The following NCR3 variants were observed in gnomAD, a reference collection of about 807,000 sequenced individuals.
The protein encoded by NCR3 is natural cytotoxicity triggering receptor 3.
Under a neutral mutation model 16.1 loss-of-function variants are expected in NCR3, and 13 were observed. That is an observed-to-expected ratio of 0.81 (90% CI 0.53 to 1.28). The LOEUF is 1.28. Ranked by LOEUF, NCR3 falls within the 50% of genes most tolerant of loss-of-function variation. The pLI is 0.00. For synonymous variants in NCR3, 98 were observed against 106.6 expected, an observed-to-expected ratio of 0.92 and a Z score of 0.50; for missense variants, 202 against 256.8, an observed-to-expected ratio of 0.79 and a Z score of 1.46.
chr6:31,591,997 C>T (rs1250055158), intron 1 of NCR3, among the ~76,000 whole-genome samples: 1 of 151,880 alleles, frequency 6.6e-6, no homozygotes, highest in Non-Finnish European at 1.5e-5. Flanking sequence ...GGCCTGTAAT[C>T]CCCGCACTTT....
chr6:31,589,531 C>G lies in NCR3; in HGVS notation c.491G>C (p.Gly164Ala). 6.2e-7 allele frequency: 1 copy of G among 1,614,052 alleles called. No individual in the cohort carries two copies. The highest frequency in any genetic ancestry group is 2.2e-5 in the East Asian group (1 of 44,878). Reference sequence around the variant, plus strand: ...CCCCTGGCTCCATTACTCACATTTGCCCTGGTAATAGACGGTGCTGCCCAC... The same window carrying G: ...CCCCTGGCTCCATTACTCACATTTGGCCTGGTAATAGACGGTGCTGCCCAC... ...VAVGSTVYYQ[G>A]KCLTWKGPRR... The change falls in exon 3 of 4, where the codon GGC (glycine) becomes GCC (alanine). Residue 164 changes from glycine to alanine, a missense_variant. Coordinates refer to ENST00000340027, the MANE Select transcript of NCR3 (RefSeq NM_147130.3). The surrounding 1 kb of genome is among the most constrained non-coding windows in gnomAD (Gnocchi z 4.8).
intron 1 of NCR3, 147 bp downstream of exon 1, chr6:31,592,530 AGT>A: frequency 1.3e-6 from 1 of 748,764 alleles, no homozygotes; most frequent in South Asian, 1.6e-5. Flanking sequence ...GAGTCCACTG[AGT>A]GTCACCTTTG....
In NCR3 at chr6:31,589,677, C is replaced by T; in HGVS notation, c.389-44G>A. 1 of 1,610,874 alleles carries T rather than the reference C, an allele frequency of 6.2e-7. No individual in the cohort carries two copies. The highest frequency in any genetic ancestry group is 8.5e-7 in the Non-Finnish European group (1 of 1,178,198). On this transcript the variant is annotated intron_variant, in intron 2 of 3. Coordinates refer to ENST00000340027, the MANE Select transcript of NCR3 (RefSeq NM_147130.3). This position sits in a 1 kb window ranked among gnomAD's most constrained non-coding sequence, Gnocchi z 4.8. ...ACGGGGGTTGGGGAAGAAGTGCACA[C>T]AGGCTCAGGGAGGGAAGGGGCCTCA... is the stretch of plus-strand genomic sequence containing the variant.
chr6:31,592,411 C>CAAAAAAAA (rs9281528), intron 1 of NCR3, among the ~76,000 whole-genome samples: 7 of 82,378 alleles, frequency 8.5e-5, no homozygotes, highest in African/African-American at 3.1e-4. Context: ...GACTCAGTCT[C>CAAAAAAAA]AAAAAAAAAA....
At position 31,589,186 on chromosome 6, in the gene NCR3, G is replaced by A. The variant is rs1249386291; in HGVS notation, c.497-10C>T. ...CCTTTCCAGGTCAGACCTGGTGGAA[G>A]GGAAAGTTCAGAGTTGGGGGAATCC... On this transcript the variant is annotated splice_polypyrimidine_tract_variant and intron_variant, in intron 3 of 3. Transcript: ENST00000340027. This position sits in a 1 kb window ranked among gnomAD's most constrained non-coding sequence, Gnocchi z 4.8. 2.5e-6 allele frequency: 4 copies of A among 1,612,980 alleles called. No homozygotes were observed. Among genetic ancestry groups the A allele is most frequent in the South Asian group, 1.1e-5 (1 of 90,826 alleles).
rs1219083492 is a variant in NCR3, at chr6:31,589,399, A to G, written c.496+127T>C. Reference sequence around the variant, plus strand: ...CCATGTGACAGTGGCCTGGTCAGAGAGAGGACAGGAGCTGCTCAGTGTTGC... The same window carrying G: ...CCATGTGACAGTGGCCTGGTCAGAGGGAGGACAGGAGCTGCTCAGTGTTGC... On this transcript the variant is annotated intron_variant, in intron 3 of 3. Coordinates refer to ENST00000340027, the MANE Select transcript of NCR3 (RefSeq NM_147130.3). The surrounding 1 kb of genome is among the most constrained non-coding windows in gnomAD (Gnocchi z 4.8). 9 of 1,553,212 alleles carry G rather than the reference A, an allele frequency of 5.8e-6. No individual in the cohort carries two copies. Among genetic ancestry groups the G allele is most frequent in the Non-Finnish European group, 7.0e-6 (8 of 1,147,578 alleles).
intron 1 of NCR3, among the ~76,000 whole-genome samples, chr6:31,591,952 C>T (rs1772661454): frequency 6.6e-6 from 1 of 151,674 alleles, no homozygotes; most frequent in Non-Finnish European, 1.5e-5. Context: ...CCCATCTCTA[C>T]TAAAAATACA....
At position 31,590,087 on chromosome 6, in the gene NCR3, C is replaced by T. The variant is rs760067071; in HGVS notation, c.83G>A (p.Arg28His). The T allele has an allele frequency of 2.8e-5, 45 of 1,612,544 alleles. No individual in the cohort carries two copies. The highest frequency in any genetic ancestry group is 3.3e-5 in the Admixed American group (2 of 59,980). ...GAAGGCAGAGGATCCTTCCAGGGTA[C>T]GAATCTCAGGGGGCTGGGACACCCA... ...ALWVSQPPEI[R>H]TLEGSSAFLP... Residue 28 changes from arginine (R) to histidine (H), a missense_variant, in exon 2 of 4, where the codon CGT (arginine) becomes CAT (histidine). Arg to His is a conservative substitution (Grantham distance 29). Transcript: ENST00000340027.
rs1254244853 is a variant in NCR3, at chr6:31,592,982, G to C, written c.-261C>G. The C allele has an allele frequency of 8.6e-6, 5 of 578,890 alleles. No individual in the cohort carries two copies. In the East Asian group the frequency reaches 1.2e-4, roughly 13 times the overall value. 35.9% of individuals were successfully genotyped at this position (578,890 alleles called of 1,614,324 possible). On this transcript the variant is annotated 5_prime_UTR_variant, in exon 1 of 4. Coordinates refer to ENST00000340027, the MANE Select transcript of NCR3 (RefSeq NM_147130.3). ...CTCTAGGAGGCCAAGGGGCCAGCTT[G>C]TGGCAGGCTAGCTAAGCGTGTGAGG...
chr6:31,589,083 G>C lies in NCR3; in HGVS notation c.590C>G (p.Pro197Arg). The change falls in exon 4 of 4, where the codon CCA (proline) becomes CGA (arginine). Residue 197 changes from proline (P) to arginine (R), a missense_variant. Pro to Arg is a moderately radical substitution (Grantham distance 103). Transcript: ENST00000340027. This position sits in a 1 kb window ranked among gnomAD's most constrained non-coding sequence, Gnocchi z 4.8. ...PCGSSAHLLP[P>R]VPGG ...CAATCAGGCTCAGCCTCCTGGGACT[G>C]GGGGAAGCAGATGTGCTGAGCTCCC... The C allele has an allele frequency of 1.9e-6, 3 of 1,596,700 alleles. No individual in the cohort carries two copies. The highest frequency in any genetic ancestry group is 2.6e-6 in the Non-Finnish European group (3 of 1,170,756).
chr6:31,590,580 C>T (rs868429002), intron 1 of NCR3, among the ~76,000 whole-genome samples: 20 of 152,082 alleles, frequency 1.3e-4, no homozygotes, highest in Middle Eastern at 6.8e-3. Flanking sequence ...CCAGCCTGGG[C>T]GACAAAGCAA....
rs763163040 is a variant in NCR3, at chr6:31,592,669, G to A, written c.43+10C>T. ...ACACTCCTTGGGGTCCTGAGCGCAC[G>A]CCCTGTCACCTGGATGGACCATGAT... On this transcript the variant is annotated intron_variant, in intron 1 of 3. Coordinates refer to ENST00000340027, the MANE Select transcript of NCR3 (RefSeq NM_147130.3). The A allele has an allele frequency of 2.7e-5, 44 of 1,612,718 alleles. No homozygotes were observed. Among genetic ancestry groups the A allele is most frequent in the Non-Finnish European group, 3.2e-5 (38 of 1,180,012 alleles).
chr6:31,590,667 C>G (rs952971170), intron 1 of NCR3, among the ~76,000 whole-genome samples: 1 of 152,138 alleles, frequency 6.6e-6, no homozygotes. Flanking sequence ...TCACCCTCTG[C>G]CATCATTCTC....
rs770273594 is a variant in NCR3, at chr6:31,592,665, G to A, written c.43+14C>T. The A allele has an allele frequency of 2.6e-5, 42 of 1,612,666 alleles. No individual in the cohort carries two copies. Among genetic ancestry groups the A allele is most frequent in the African/African-American group, 2.1e-4 (16 of 74,898 alleles). Reference sequence around the variant, plus strand: ...ACCCACACTCCTTGGGGTCCTGAGCGCACGCCCTGTCACCTGGATGGACCA... The same window carrying A: ...ACCCACACTCCTTGGGGTCCTGAGCACACGCCCTGTCACCTGGATGGACCA... On this transcript the variant is annotated intron_variant, in intron 1 of 3. Transcript: ENST00000340027.
intron 1 of NCR3, among the ~76,000 whole-genome samples, chr6:31,592,119 G>A (rs561515437): frequency 9.2e-5 from 14 of 152,118 alleles, no homozygotes; most frequent in African/African-American, 2.9e-4. Flanking sequence ...GTGTGGTGGT[G>A]CGCGCTTGTA....
chr6:31,590,095 A>T lies in NCR3; in HGVS notation c.75T>A (p.Pro25=). 6.4e-7 allele frequency: 1 copy of T among 1,570,968 alleles called. No individual in the cohort carries two copies. The highest frequency in any genetic ancestry group is 8.7e-7 in the Non-Finnish European group (1 of 1,143,310). ...GSCALWVSQP[P]EIRTLEGSSA... ...AGGATCCTTCCAGGGTACGAATCTC[A>T]GGGGGCTGGGACACCCAGAGAGCAC... Residue 25 remains proline (P), a synonymous_variant, in exon 2 of 4, where the codon CCT becomes CCA. Coordinates refer to ENST00000340027, the MANE Select transcript of NCR3 (RefSeq NM_147130.3).
Position 31,592,797 on chromosome 6 carries a change from T to C in NCR3, c.-76A>G. On this transcript the variant is annotated 5_prime_UTR_variant, in exon 1 of 4. Transcript: ENST00000340027. ...TGGAGGAGGAAGGACTCACTACTTG[T>C]AGCCAGGCCTTTGGTCACCAGATGG... is the stretch of plus-strand genomic sequence containing the variant. The C allele has an allele frequency of 1.3e-6, 2 of 1,543,658 alleles. No homozygotes were observed. Among genetic ancestry groups the C allele is most frequent in the Non-Finnish European group, 8.9e-7 (1 of 1,120,310 alleles).
chr6:31,590,719 A>G (rs1772575801), intron 1 of NCR3, among the ~76,000 whole-genome samples: 1 of 152,210 alleles, frequency 6.6e-6, no homozygotes, highest in African/African-American at 2.4e-5. Context: ...AATGTAAACC[A>G]TCATGGTGAA....
intron 1 of NCR3, among the ~76,000 whole-genome samples, 158 bp from the exon 2 acceptor site, chr6:31,590,284 T>TAAC (rs1772525237): frequency 1.3e-5 from 2 of 152,146 alleles, no homozygotes; most frequent in Non-Finnish European, 2.9e-5. Flanking sequence ...TCTTAACCAA[T>TAAC]CTGATTTCTT....
Sources: allele counts gnomAD v4.1 joint callset (sites outside exome capture counted in the v4.1 genomes callset), GRCh38; gene constraint gnomAD v4.1.1; non-coding constraint Gnocchi (gnomAD v3.1); transcripts MANE v1.5; gene names NCBI Gene and HGNC (gene_info 2026-07-23, HGNC 2026-07-21).